ACTR3B: variants seen among roughly 807,000 people sequenced by gnomAD.
The protein encoded by ACTR3B is actin related protein 3B, also known as actin-related protein 3B.
A neutral mutation model predicts 59.0 loss-of-function variants in ACTR3B; 8 were observed. The observed-to-expected ratio is 0.14, with a 90% confidence interval of 0.08 to 0.24. The LOEUF (loss-of-function observed/expected upper bound fraction) is 0.24. Among genes scored for constraint, ACTR3B ranks in the 10% least tolerant of loss-of-function variants. The pLI is 1.00. For missense variants in ACTR3B, 245 were observed against 552.3 expected, an observed-to-expected ratio of 0.44 and a Z score of 5.58; for synonymous variants, 148 against 197.9, an observed-to-expected ratio of 0.75 and a Z score of 2.12.
intron 6 of ACTR3B, 128 bp from the exon 7 acceptor site, chr7:152,820,171 A>T (rs1305368548): frequency 1.8e-5 from 27 of 1,503,820 alleles, no homozygotes; most frequent in Non-Finnish European, 2.3e-5. Flanking sequence ...GAGGGTGGGG[A>T]TTATGTAAAT....
rs753833874 is a variant in ACTR3B at position 152,852,113 on chromosome 7, T to C, written c.952-13T>C. ...GGTTTTACCCAGGGCTCCCTCTGCT[T>C]TGTGTCTTGTAGAATGTCGTACTCT... On this transcript the variant is annotated splice_polypyrimidine_tract_variant and intron_variant, in intron 9 of 11. Transcript: ENST00000256001. 2.6e-5 allele frequency: 42 copies of C among 1,613,826 alleles called. No individual in the cohort carries two copies. The highest frequency in any genetic ancestry group is 3.2e-5 in the Non-Finnish European group (38 of 1,179,922).
chr7:152,785,319 C>G (rs1052490394), intron 2 of ACTR3B, among the ~76,000 whole-genome samples: 3 of 133,340 alleles, frequency 2.2e-5, no homozygotes, highest in Non-Finnish European at 4.7e-5. Context: ...GAGGATAATA[C>G]AAATGTCAAA....
intron 11 of ACTR3B, among the ~76,000 whole-genome samples, chr7:152,853,985 C>T (rs1020410502): frequency 3.3e-5 from 5 of 152,036 alleles, no homozygotes; most frequent in Admixed American, 6.5e-5. Flanking sequence ...GCCTTGGCCT[C>T]GCAAAGTGCT....
chr7:152,823,948 C>G (rs367686501), intron 8 of ACTR3B, among the ~76,000 whole-genome samples: 3 of 152,186 alleles, frequency 2.0e-5, no homozygotes, highest in East Asian at 1.9e-4. Flanking sequence ...TGGTCCTGCT[C>G]TATTCCCTGC....
In ACTR3B at chr7:152,852,224, C is replaced by T. The variant is rs762259780; in HGVS notation, c.1050C>T (p.Ser350=). 1.8e-5 allele frequency: 29 copies of T among 1,613,244 alleles called. No homozygotes were observed. The highest frequency in any genetic ancestry group is 1.3e-4 in the East Asian group (6 of 44,818). Residue 350 remains serine (S), a synonymous_variant, in exon 10 of 12, where the codon AGC becomes AGT. Coordinates refer to ENST00000256001, the MANE Select transcript of ACTR3B (RefSeq NM_020445.6). ...TGGTGGATGCTAGGCTGAGGCTCAG[C>T]GAGGAGCTCAGCGGCGGGAGGATCA... ...KRVVDARLRL[S]EELSGGRIKP... is the part of the protein sequence containing the mutation.
chr7:152,848,226 ACAGT>A (rs1468546196), intron 9 of ACTR3B, among the ~76,000 whole-genome samples: 2 of 152,226 alleles, frequency 1.3e-5, no homozygotes, highest in African/African-American at 4.8e-5. Flanking sequence ...GTCTGGGGTG[ACAGT>A]CAGGGAACCT....
At chr7:152,807,341 A>G (rs2098255478) in intron 4 of ACTR3B, among the ~76,000 whole-genome samples, 2 of 151,880 alleles carry the variant, frequency 1.3e-5, no homozygotes, top group Admixed American at 6.6e-5. Context: ...TTTACACCCA[A>G]TATTATACTC....
intron 9 of ACTR3B, among the ~76,000 whole-genome samples, chr7:152,828,870 T>C (rs1406921669): frequency 2.6e-5 from 4 of 152,120 alleles, no homozygotes; most frequent in Non-Finnish European, 5.9e-5. Context: ...AGATGTGCTT[T>C]TGGCTTCAGA....
At position 152,800,541 on chromosome 7, in the gene ACTR3B, C is replaced by G. The variant is rs1563106089; in HGVS notation, c.111C>G (p.Ile37Met). 1 of 1,613,542 alleles carries G rather than the reference C, an allele frequency of 6.2e-7. No individual in the cohort carries two copies. Among genetic ancestry groups the G allele is most frequent in the East Asian group, 2.2e-5 (1 of 44,828 alleles). ...TGTGTTTTTTTTAAGGTATTGCCAT[C>G]AGAGAGTCAGCAAAGGTAGTTGACC... ...PQFIIPSCIA[I>M]RESAKVVDQA... Residue 37 changes from isoleucine to methionine, a missense_variant, in exon 3 of 12, where the codon ATC becomes ATG. Ile to Met is a conservative substitution (Grantham distance 10, BLOSUM62 1). Coordinates refer to ENST00000256001, the MANE Select transcript of ACTR3B (RefSeq NM_020445.6).
chr7:152,794,210 T>C (rs1484756475), intron 2 of ACTR3B, among the ~76,000 whole-genome samples: 7 of 152,160 alleles, frequency 4.6e-5, no homozygotes, highest in Non-Finnish European at 7.4e-5. Flanking sequence ...ATTTTTATTT[T>C]TATTCTTTTT....
intron 4 of ACTR3B, among the ~76,000 whole-genome samples, chr7:152,807,712 A>G (rs1207911513): frequency 1.3e-5 from 2 of 152,216 alleles, no homozygotes; most frequent in African/African-American, 2.4e-5. Context: ...TTACATTTGC[A>G]TTTTTGATAA....
At chr7:152,844,829 T>C (rs533460787) in intron 9 of ACTR3B, among the ~76,000 whole-genome samples, 108 of 143,764 alleles carry the variant, frequency 7.5e-4, no homozygotes, top group African/African-American at 2.6e-3. Context: ...ACTCCAAGGA[T>C]TTAATGTGAG....
At chr7:152,767,986 C>T (rs889000376) in intron 1 of ACTR3B, among the ~76,000 whole-genome samples, 12 of 152,262 alleles carry the variant, frequency 7.9e-5, no homozygotes, top group African/African-American at 2.2e-4. Context: ...TTTGCGAGGC[C>T]GAAGCAGGCA....
chr7:152,854,662 G>T lies in ACTR3B; in HGVS notation c.*109G>T. The T allele has an allele frequency of 2.5e-6, 3 of 1,191,808 alleles. No homozygotes were observed. Among genetic ancestry groups the T allele is most frequent in the Non-Finnish European group, 3.6e-6 (3 of 824,686 alleles). The allele number at this position is 1,191,808 out of a possible 1,614,324, so 73.8% of individuals were successfully genotyped here. Reference sequence around the variant, plus strand: ...ATAGCGACGTCGGTGTTGCTGCCCAGCAGCGTGCTTGCATTGCCGGTGCAT... The same window carrying T: ...ATAGCGACGTCGGTGTTGCTGCCCATCAGCGTGCTTGCATTGCCGGTGCAT... On this transcript the variant is annotated 3_prime_UTR_variant, in exon 12 of 12. Transcript: ENST00000256001. This position sits in a 1 kb window ranked among gnomAD's most constrained non-coding sequence, Gnocchi z 4.9.
At chr7:152,851,030 C>T (rs1798760779) in intron 9 of ACTR3B, among the ~76,000 whole-genome samples, 1 of 152,144 alleles carries the variant, frequency 6.6e-6, no homozygotes, top group Non-Finnish European at 1.5e-5. Context: ...ACACTAGTCC[C>T]CCTTGTCAGT....
At chr7:152,852,370 A>G (rs373998353) in intron 10 of ACTR3B, 119 bp downstream of exon 10, 37 of 1,285,852 alleles carry the variant, frequency 2.9e-5, no homozygotes, top group Middle Eastern at 2.8e-4. Flanking sequence ...ACAAGTGTTC[A>G]TCGCTTTCTG....
chr7:152,841,641 A>G (rs1439089764), intron 9 of ACTR3B, among the ~76,000 whole-genome samples: 4 of 152,238 alleles, frequency 2.6e-5, no homozygotes, highest in Non-Finnish European at 5.9e-5. Context: ...TGGGGGATTC[A>G]ATGTTAAAAA....
intron 2 of ACTR3B, among the ~76,000 whole-genome samples, chr7:152,785,389 A>G (rs1467890183): frequency 7.4e-3 from 18 of 2,426 alleles, no homozygotes; most frequent in South Asian, 0.016. Flanking sequence ...GGGGGGGGGG[A>G]GGGGAGGGGG....
chr7:152,843,459 AG>A (rs1295426096), intron 9 of ACTR3B, among the ~76,000 whole-genome samples: 1 of 152,222 alleles, frequency 6.6e-6, no homozygotes, highest in East Asian at 1.9e-4. Flanking sequence ...TCCCTATTGA[AG>A]TATCTTGATG....
Sources: allele counts gnomAD v4.1 joint callset (sites outside exome capture counted in the v4.1 genomes callset), GRCh38; gene constraint gnomAD v4.1.1; non-coding constraint Gnocchi (gnomAD v3.1); transcripts MANE v1.5; gene names NCBI Gene and HGNC (gene_info 2026-07-23, HGNC 2026-07-21).